The following CECR2 variants were observed in gnomAD, a reference collection of about 807,000 sequenced individuals.
CECR2 encodes CECR2 histone acetyl-lysine reader, also known as chromatin remodeling regulator CECR2.
Under a neutral mutation model 154.5 loss-of-function variants are expected in CECR2, and 30 were observed. That is an observed-to-expected ratio of 0.19 (90% confidence interval 0.15 to 0.26). CECR2 has a LOEUF of 0.26. CECR2 is among the 10% of genes least tolerant of loss of function. The pLI, the probability that CECR2 is intolerant of heterozygous loss-of-function variation, is 1.00. For missense variants in CECR2, 1,743 were observed against 1,829.3 expected, an observed-to-expected ratio of 0.95 and a Z score of 0.86; for synonymous variants, 725 against 683.7, an observed-to-expected ratio of 1.06 and a Z score of -0.94.
chr22:17,407,720 GC>G (rs2054006393), intron 1 of CECR2, among the ~76,000 whole-genome samples: 1 of 152,180 alleles, frequency 6.6e-6, no homozygotes, highest in Non-Finnish European at 1.5e-5. Context: ...GGGGTGATTT[GC>G]CCTCTTAGAG....
chr22:17,531,889 C>T (rs1365758623), intron 9 of CECR2, among the ~76,000 whole-genome samples: 3 of 152,152 alleles, frequency 2.0e-5, no homozygotes, highest in Non-Finnish European at 4.4e-5. Flanking sequence ...GGATTGATGG[C>T]CAGGTGCAGT....
rs544873195 is a variant in CECR2, at chr22:17,360,796, G to A, written c.-364+773G>A. Among the ~76,000 whole-genome samples the A allele has an allele frequency of 3.3e-5, 5 of 150,782 alleles. No homozygotes were observed. The South Asian group carries it at 1.1e-3, about 32-fold the overall frequency. On this transcript the variant is annotated intron_variant, in intron 1 of 18. Transcript: ENST00000400585. ...GGAGGTGGAGGTTGCCATGAGCCAA[G>A]ATCTGCCATTGCACTCCAGCCTGGG...
chr22:17,391,662 TATA>T (rs1290893002), intron 1 of CECR2, among the ~76,000 whole-genome samples: 2 of 152,270 alleles, frequency 1.3e-5, no homozygotes, highest in African/African-American at 2.4e-5. Flanking sequence ...ATATGGAAAT[TATA>T]ATCATTTGGG....
In CECR2 at chr22:17,554,465, T is replaced by C. The variant is rs564412690; in HGVS notation, c.*1625T>C. 42 of 152,276 alleles carry C rather than the reference T, an allele frequency of 2.8e-4. No homozygotes were observed. The highest frequency in any genetic ancestry group is 8.7e-4 in the African/African-American group (36 of 41,554). The allele number at this position is 152,276 out of a possible 1,614,324, so 9.4% of individuals were successfully genotyped here. ...TCGTGTTTACAGTTTGCTAAACATA[T>C]GCTGTCCGTGGAAAAGGAAGCTAAT... is the stretch of plus-strand genomic sequence containing the variant. On this transcript the variant is annotated 3_prime_UTR_variant, in exon 19 of 19. Coordinates refer to ENST00000262608, the MANE Select transcript of CECR2 (RefSeq NM_001290047.2).
intron 1 of CECR2, among the ~76,000 whole-genome samples, chr22:17,405,190 A>G (rs1235704101): frequency 2.0e-5 from 3 of 152,130 alleles, no homozygotes; most frequent in Non-Finnish European, 4.4e-5. Context: ...CAGGCGGATC[A>G]CCTGAGGTCA....
At chr22:17,468,969 C>T (rs983666639) in intron 1 of CECR2, among the ~76,000 whole-genome samples, 2 of 152,090 alleles carry the variant, frequency 1.3e-5, no homozygotes, top group Non-Finnish European at 2.9e-5. Context: ...GATGGCAAAA[C>T]TCACTTTCAT....
chr22:17,471,990 T>C (rs1417951382), intron 1 of CECR2, among the ~76,000 whole-genome samples: 2 of 152,190 alleles, frequency 1.3e-5, no homozygotes, highest in Admixed American at 1.3e-4. Context: ...TAACCTAATA[T>C]TTAGAGTTGT....
intron 18 of CECR2, 61 bp downstream of exon 18, chr22:17,552,203 T>A: frequency 7.0e-7 from 1 of 1,431,006 alleles, no homozygotes; most frequent in East Asian, 2.3e-5. Flanking sequence ...AGTAAGTATA[T>A]GACAACCTTG....
At chr22:17,549,826 G>A (rs1265120022) in intron 17 of CECR2, among the ~76,000 whole-genome samples, 3 of 122,072 alleles carry the variant, frequency 2.5e-5, no homozygotes, top group Admixed American at 1.0e-4. Flanking sequence ...GGGTTTCACC[G>A]TGTTGCCCAG....
At chr22:17,386,311 A>G (rs1236001610) in intron 1 of CECR2, among the ~76,000 whole-genome samples, 1 of 152,164 alleles carries the variant, frequency 6.6e-6, no homozygotes, top group Non-Finnish European at 1.5e-5. Context: ...AGAGAGGATA[A>G]GACCTGTCAA....
intron 3 of CECR2, 103 bp downstream of exon 3, chr22:17,497,689 G>A: frequency 2.7e-6 from 3 of 1,123,248 alleles, no homozygotes; most frequent in South Asian, 2.8e-5. Flanking sequence ...AGTTTGGCTT[G>A]TGGTACTAGT....
Position 17,476,558 on chromosome 22 carries a change from G to A in CECR2, c.127-1030G>A, listed in dbSNP as rs150918069. ...CTATATAAGAAGGAAACCCCACCCC[G>A]TTTTGTGTCTGCTATCATGTAATTG... On this transcript the variant is annotated intron_variant, in intron 1 of 18. Transcript: ENST00000262608. 1.1e-4 allele frequency among the ~76,000 whole-genome samples: 16 copies of A among 152,154 alleles called. 1 individual carries two copies. In the East Asian group the frequency reaches 2.7e-3, roughly 26 times the overall value.
At chr22:17,529,894 A>G (rs2056327428) in intron 9 of CECR2, among the ~76,000 whole-genome samples, 1 of 152,232 alleles carries the variant, frequency 6.6e-6, no homozygotes, top group African/African-American at 2.4e-5. Flanking sequence ...GCTTCCAACT[A>G]CAAAAAAAGA....
chr22:17,519,569 T>C (rs908630693), intron 8 of CECR2, among the ~76,000 whole-genome samples: 26 of 152,102 alleles, frequency 1.7e-4, no homozygotes, highest in Non-Finnish European at 4.4e-5. Context: ...CTCGTGTGCT[T>C]TATATATTGT....
chr22:17,430,981 CTATA>C (rs2054413442), intron 1 of CECR2, among the ~76,000 whole-genome samples: 1 of 152,116 alleles, frequency 6.6e-6, no homozygotes, highest in African/African-American at 2.4e-5. Context: ...TGCCCTGTCT[CTATA>C]GTTCTTGTGC....
intron 9 of CECR2, among the ~76,000 whole-genome samples, chr22:17,526,175 C>A (rs2056261638): frequency 6.6e-6 from 1 of 152,052 alleles, no homozygotes; most frequent in Admixed American, 6.6e-5. Flanking sequence ...TTATATGGAC[C>A]CACAAAAGAC....
rs2063039216 is a variant in CECR2, at chr22:17,370,245, G to A, written c.126+336G>A. On this transcript the variant is annotated intron_variant, in intron 1 of 18. Coordinates refer to ENST00000262608, the MANE Select transcript of CECR2 (RefSeq NM_001290047.2). ...TCTCCGGTGGGCTGGGGCTGGGTGT[G>A]GGCGCGAGGGCTGCGCGCGCTCGCC... is the stretch of plus-strand genomic sequence containing the variant. Among the ~76,000 whole-genome samples the A allele has an allele frequency of 2.0e-5, 3 of 150,558 alleles. No homozygotes were observed. The South Asian group carries it at 6.2e-4, about 31-fold the overall frequency.
At chr22:17,436,648 C>T (rs763009111) in intron 1 of CECR2, among the ~76,000 whole-genome samples, 8 of 152,330 alleles carry the variant, frequency 5.3e-5, no homozygotes, top group Non-Finnish European at 8.8e-5. Context: ...GAGTTTGTCA[C>T]CAGTAAGTTC....
At chr22:17,361,662 C>T (rs1423150152) in intron 1 of CECR2, among the ~76,000 whole-genome samples, 1 of 151,534 alleles carries the variant, frequency 6.6e-6, no homozygotes, top group African/African-American at 2.4e-5. Flanking sequence ...TCACTTGAAC[C>T]CGGGGGCTGG....
Sources: gnomAD v4.1 joint callset for allele counts (sites outside exome capture counted in the v4.1 genomes callset) on GRCh38, gnomAD v4.1.1 for gene constraint, MANE v1.5 for transcripts, NCBI Gene and HGNC (gene_info 2026-07-23, HGNC 2026-07-21) for gene names.